CNTNAP3B: variants seen among roughly 807,000 people sequenced by gnomAD.
CNTNAP3B encodes the protein contactin associated protein family member 3B.
A neutral mutation model predicts 108.9 loss-of-function variants in CNTNAP3B; 25 were observed. The ratio of observed to expected loss-of-function variants is 0.23; its 90% CI spans 0.17 to 0.32. The LOEUF (loss-of-function observed/expected upper bound fraction) is 0.32, where lower values mean the gene tolerates loss of function less well. Ranked by LOEUF, CNTNAP3B falls within the 10% of genes least tolerant of loss-of-function variation. The pLI is 1.00. For missense variants in CNTNAP3B, 252 were observed against 1,210.4 expected, an observed-to-expected ratio of 0.21 and a Z score of 11.75; for synonymous variants, 103 against 473.4, an observed-to-expected ratio of 0.22 and a Z score of 10.16.
chr9:42,103,236 T>C (rs1326326115), intron 2 of CNTNAP3B, among the ~76,000 whole-genome samples: 2 of 146,326 alleles, frequency 1.4e-5, no homozygotes, highest in Non-Finnish European at 3.0e-5. Context: ...ACAGAGCCCA[T>C]ATCTCTGCAA....
At chr9:42,127,817 C>T (rs1196177243) in intron 1 of CNTNAP3B, among the ~76,000 whole-genome samples, 1 of 139,166 alleles carries the variant, frequency 7.2e-6, no homozygotes, top group Non-Finnish European at 1.5e-5. Context: ...CATGTGCGTG[C>T]CCTGTGTGTG....
chr9:41,956,183 G>A (rs1172188419), intron 12 of CNTNAP3B, among the ~76,000 whole-genome samples: 5 of 152,116 alleles, frequency 3.3e-5, no homozygotes, highest in Non-Finnish European at 7.4e-5. Context: ...TCAGGAGATC[G>A]AGACCATCCT....
At chr9:41,954,206 C>T (rs1264670050) in intron 12 of CNTNAP3B, among the ~76,000 whole-genome samples, 4 of 152,306 alleles carry the variant, frequency 2.6e-5, no homozygotes, top group East Asian at 1.9e-4. Context: ...AAAAATTTTC[C>T]GAACTGGAGA....
rs527537135 is a variant in CNTNAP3B at position 42,079,672 on chromosome 9, C to T, written c.197-2610G>A. Among the ~76,000 whole-genome samples, 4 of 136,820 alleles carry T rather than the reference C, an allele frequency of 2.9e-5. 1 individual carries two copies. The highest frequency in any genetic ancestry group is 6.2e-5 in the Non-Finnish European group (4 of 64,354). 89.8% of individuals were successfully genotyped at this position (136,820 alleles called of 152,430 possible). On this transcript the variant is annotated intron_variant, in intron 2 of 23. Coordinates refer to ENST00000377561, the MANE Select transcript of CNTNAP3B (RefSeq NM_001201380.3). Reference sequence around the variant, plus strand: ...AAGTAGCCGGGATTACAGGTACATGCCACCACGCCCAGCTAATTTTTGTAT... The same window carrying T: ...AAGTAGCCGGGATTACAGGTACATGTCACCACGCCCAGCTAATTTTTGTAT...
Position 42,004,040 on chromosome 9 carries a change from T to C in CNTNAP3B, c.539-5436A>G. On this transcript the variant is annotated intron_variant, in intron 4 of 23. Coordinates refer to ENST00000377561, the MANE Select transcript of CNTNAP3B (RefSeq NM_001201380.3). ...AGAGTTATAATTTATATTCAATAAA[T>C]TTAAGGTTATAGTTCAATGAGTTTT... Among the ~76,000 whole-genome samples, 2 of 143,854 alleles carry C rather than the reference T, an allele frequency of 1.4e-5. 1 individual carries two copies. Among genetic ancestry groups the C allele is most frequent in the East Asian group, 4.1e-4 (2 of 4,852 alleles). The allele number at this position is 143,854 out of a possible 152,430, so 94.4% of individuals were successfully genotyped here. A position where few individuals can be genotyped will look rare whatever the true frequency, so the allele number is the denominator to read the frequency against.
chr9:41,941,111 A>G (rs1163418796), intron 13 of CNTNAP3B, among the ~76,000 whole-genome samples: 4 of 150,838 alleles, frequency 2.7e-5, no homozygotes, highest in South Asian at 4.2e-4. Context: ...CCAAATAGAC[A>G]TAAGGATTCC....
chr9:41,996,979 TAAGG>T (rs796080404), intron 6 of CNTNAP3B, among the ~76,000 whole-genome samples: 12,574 of 49,360 alleles, frequency 0.25, 18 homozygotes, highest in East Asian at 0.37. Context: ...TCATACACTT[TAAGG>T]TGTCCTGTGA....
intron 4 of CNTNAP3B, among the ~76,000 whole-genome samples, chr9:42,002,300 C>T (rs946873854): frequency 5.5e-5 from 2 of 36,570 alleles, no homozygotes; most frequent in African/African-American, 2.3e-4. Context: ...TGGGCTGACT[C>T]ACTTCAATCA....
chr9:41,928,570 A>G (rs1269407662), intron 15 of CNTNAP3B, among the ~76,000 whole-genome samples: 1 of 152,288 alleles, frequency 6.6e-6, no homozygotes, highest in Non-Finnish European at 1.5e-5. Context: ...ACACTCGGCA[A>G]GAATGTACAG....
chr9:42,087,102 G>C (rs896058641), intron 2 of CNTNAP3B, among the ~76,000 whole-genome samples: 1 of 141,346 alleles, frequency 7.1e-6, no homozygotes, highest in African/African-American at 2.7e-5. Context: ...TTCTTAATTT[G>C]ATAATCAGAT....
intron 13 of CNTNAP3B, among the ~76,000 whole-genome samples, chr9:41,952,483 G>A (rs1385496552): frequency 6.6e-5 from 10 of 152,256 alleles, no homozygotes; most frequent in Admixed American, 3.9e-4. Context: ...AAACTATATG[G>A]AAACTGTTGG....
chr9:42,103,413 G>A (rs1273051118), intron 2 of CNTNAP3B, among the ~76,000 whole-genome samples: 1 of 101,172 alleles, frequency 9.9e-6, no homozygotes, highest in African/African-American at 4.7e-5. Flanking sequence ...AATGCAACAG[G>A]GAGTTAAAAA....
At chr9:42,006,121 G>T (rs1419864468) in intron 4 of CNTNAP3B, among the ~76,000 whole-genome samples, 1 of 49,360 alleles carries the variant, frequency 2.0e-5, no homozygotes, top group African/African-American at 5.7e-5. Flanking sequence ...GTTAAATGCT[G>T]ATTTGAATTA....
At chr9:42,126,736 AT>A (rs2118761755) in intron 1 of CNTNAP3B, among the ~76,000 whole-genome samples, 1 of 135,558 alleles carries the variant, frequency 7.4e-6, no homozygotes, top group Non-Finnish European at 1.6e-5. Flanking sequence ...CGCCCGGCTA[AT>A]TTTTGTATTT....
At position 41,918,667 on chromosome 9, in the gene CNTNAP3B, A is replaced by C. The variant is rs1183488834; in HGVS notation, c.2995+1403T>G. On this transcript the variant is annotated intron_variant, in intron 18 of 23. Transcript: ENST00000377561. ...CCATTTTCCATTTACTTACCATATA[A>C]CGTCTATCCTTAAGAAAATTTTGGG... is the stretch of plus-strand genomic sequence containing the variant. 1.4e-5 allele frequency among the ~76,000 whole-genome samples: 2 copies of C among 141,666 alleles called. 1 individual carries two copies. The highest frequency in any genetic ancestry group is 3.1e-5 in the Non-Finnish European group (2 of 65,344). 92.9% of individuals were successfully genotyped at this position (141,666 alleles called of 152,430 possible). A position where few individuals can be genotyped will look rare whatever the true frequency, so the allele number is the denominator to read the frequency against.
At chr9:41,990,313 G>A (rs1393631506) in intron 8 of CNTNAP3B, among the ~76,000 whole-genome samples, 13 of 128,488 alleles carry the variant, frequency 1.0e-4, no homozygotes, top group African/African-American at 4.1e-4. Flanking sequence ...AACCTTTCTT[G>A]GAAAAAATCT....
intron 3 of CNTNAP3B, among the ~76,000 whole-genome samples, chr9:42,037,196 G>T (rs1301375609): frequency 6.7e-6 from 1 of 148,274 alleles, no homozygotes; most frequent in Non-Finnish European, 1.5e-5. Flanking sequence ...GCGGGACGGA[G>T]AATGACTTTG....
intron 14 of CNTNAP3B, among the ~76,000 whole-genome samples, chr9:41,935,656 T>C (rs1386311281): frequency 6.6e-6 from 1 of 151,964 alleles, no homozygotes. Context: ...TCTACAAGAG[T>C]TGGGTTAGGA....
intron 12 of CNTNAP3B, among the ~76,000 whole-genome samples, chr9:41,958,640 A>G (rs1185135276): frequency 6.6e-6 from 1 of 151,870 alleles, no homozygotes; most frequent in East Asian, 1.9e-4. Flanking sequence ...CACCACCCTT[A>G]CATGGGACAG....
Sources: allele counts gnomAD v4.1 joint callset (sites outside exome capture counted in the v4.1 genomes callset), GRCh38; gene constraint gnomAD v4.1.1; transcripts MANE v1.5; gene names NCBI Gene and HGNC (gene_info 2026-07-23, HGNC 2026-07-21).